Variants in IQGAP3 observed in about 807,000 individuals in gnomAD.
The protein encoded by IQGAP3 is ras GTPase-activating-like protein IQGAP3.
In IQGAP3, 165 loss-of-function variants were observed where a neutral mutation model predicts 208.2. That is an observed-to-expected ratio of 0.79 (90% confidence interval 0.70 to 0.90). The LOEUF is 0.90. Among genes scored for constraint, IQGAP3 ranks in the 40% least tolerant of loss-of-function variants. The probability of loss-of-function intolerance (pLI) is 0.00; values close to 1 mark genes in which losing one functional copy is unlikely to be tolerated. For synonymous variants in IQGAP3, 703 were observed against 803.6 expected (o/e 0.87, Z 2.12); for missense variants, 1,811 against 2,043.1 (o/e 0.89, Z 2.19).
At position 156,562,636 on chromosome 1, in the gene IQGAP3, G is replaced by C. The variant is rs1240518781; in HGVS notation, c.828C>G (p.Asp276Glu). The stretch of plus-strand genomic sequence containing the variant: ...GGATTTCAGCCTGAGTTAGGTAGTG[G>C]TCATAGATGTCCTGGCTTTCTCTGT... ...HDDRESQDIY[D>E]HYLTQAEIQG... The change falls in exon 9 of 38, where the codon GAC becomes GAG. Residue 276 changes from aspartate to glutamate, a missense_variant. Coordinates refer to ENST00000361170, the MANE Select transcript of IQGAP3 (RefSeq NM_178229.5). The C allele has an allele frequency of 4.3e-6, 7 of 1,614,084 alleles. No homozygotes were observed. Among genetic ancestry groups the C allele is most frequent in the Non-Finnish European group, 5.9e-6 (7 of 1,179,962 alleles).
At chr1:156,530,490 G>A (rs1481762846) in intron 33 of IQGAP3, among the ~76,000 whole-genome samples, 173 bp from the exon 34 acceptor site, 1 of 152,166 alleles carries the variant, frequency 6.6e-6, no homozygotes, top group Non-Finnish European at 1.5e-5. Context: ...GCAGGGCATC[G>A]CTTATGAAGA....
intron 22 of IQGAP3, among the ~76,000 whole-genome samples, chr1:156,543,413 C>A (rs1675080847): frequency 6.6e-6 from 1 of 152,134 alleles, no homozygotes; most frequent in Non-Finnish European, 1.5e-5. Flanking sequence ...AACCCAGGGG[C>A]TAGAGGTGAA....
At chr1:156,540,241 T>C (rs1674911548) in intron 23 of IQGAP3, among the ~76,000 whole-genome samples, 1 of 152,164 alleles carries the variant, frequency 6.6e-6, no homozygotes, top group Admixed American at 6.5e-5. Flanking sequence ...AGGAATTGTG[T>C]CTATTTGGCT....
chr1:156,547,593 C>T (rs1207648418), intron 19 of IQGAP3, among the ~76,000 whole-genome samples: 3 of 152,202 alleles, frequency 2.0e-5, no homozygotes, highest in Non-Finnish European at 4.4e-5. Context: ...GCTGGAATCA[C>T]AGGCATGAGC....
chr1:156,571,207 T>G (rs1441145511), intron 1 of IQGAP3, among the ~76,000 whole-genome samples: 1 of 152,180 alleles, frequency 6.6e-6, no homozygotes, highest in Non-Finnish European at 1.5e-5. Flanking sequence ...TCCTTCTCCC[T>G]TCTCTCCCCT....
chr1:156,540,748 A>G lies in IQGAP3; in HGVS notation c.2699T>C (p.Ile900Thr), dbSNP rs779201583. Residue 900 changes from isoleucine (I) to threonine (T), a missense_variant, in exon 23 of 38, where the codon ATC becomes ACC. By Grantham distance (89) the Ile-to-Thr change is moderately conservative. Coordinates refer to ENST00000361170, the MANE Select transcript of IQGAP3 (RefSeq NM_178229.5). ...QLEQDLNIMD[I>T]KIGLLVKNRI... ...GTTCTTCACCAGCAGGCCAATCTTG[A>G]TGTCCATGATGTTGAGGTCCTGCTC... 1.5e-5 allele frequency: 25 copies of G among 1,614,026 alleles called. No individual in the cohort carries two copies. Among genetic ancestry groups the G allele is most frequent in the Non-Finnish European group, 2.1e-5 (25 of 1,180,036 alleles).
chr1:156,543,499 A>G (rs1441324417), intron 22 of IQGAP3, among the ~76,000 whole-genome samples: 1 of 152,206 alleles, frequency 6.6e-6, no homozygotes, highest in East Asian at 1.9e-4. Context: ...CTTGAAGAAC[A>G]AGAGCCAGAA....
chr1:156,526,549 G>T lies in IQGAP3; in HGVS notation c.4833C>A (p.Asn1611Lys). ...GAAGGTTGACATTGACTTTGGCCTT[G>T]TTGAAGAGTTTCATGACAGCCACAC... ...YEGVAVMKLF[N>K]KAKVNVNLLI... The change falls in exon 38 of 38, where the codon AAC (asparagine) becomes AAA (lysine). Residue 1611 changes from asparagine to lysine, a missense_variant. Transcript: ENST00000361170. The T allele has an allele frequency of 6.2e-7, 1 of 1,614,230 alleles. No individual in the cohort carries two copies. The highest frequency in any genetic ancestry group is 8.5e-7 in the Non-Finnish European group (1 of 1,180,024).
At chr1:156,567,548 G>T (rs116386480) in intron 2 of IQGAP3, among the ~76,000 whole-genome samples, 1,893 of 152,308 alleles carry the variant, frequency 0.012, 24 homozygotes, top group African/African-American at 0.03. Flanking sequence ...ACTGATGGTT[G>T]TATGAGGGAG....
rs763480557 is a variant in IQGAP3, at chr1:156,544,168, T to C, written c.2444A>G (p.His815Arg). The change falls in exon 21 of 38, where the codon CAC becomes CGC. Residue 815 changes from histidine (H) to arginine (R), a missense_variant. Physicochemically the swap from His to Arg is conservative, Grantham distance 29. Coordinates refer to ENST00000361170, the MANE Select transcript of IQGAP3 (RefSeq NM_178229.5). ...GACACTCACATTCTTCTGGAAGTAGTGCAGACGCCTCAGGTATTGCCTCCG... is the reference window on the plus strand; with the variant it reads ...GACACTCACATTCTTCTGGAAGTAGCGCAGACGCCTCAGGTATTGCCTCCG... ...AARRQYLRRL[H>R]YFQKNVNSIV... 3.7e-6 allele frequency: 6 copies of C among 1,614,070 alleles called. No homozygotes were observed. In the African/African-American group the frequency reaches 4.0e-5, roughly 11 times the overall value.
In IQGAP3 at chr1:156,534,596, G is replaced by A. The variant is rs781307349; in HGVS notation, c.3645C>T (p.Leu1215=). Residue 1215 remains leucine (L), a synonymous_variant, in exon 29 of 38, where the codon CTC becomes CTT. Transcript: ENST00000361170. The part of the protein sequence containing the change: ...QRHALGAVAQ[L]LQHAAAGKAF... ...CCTTGCCAGCCGCAGCGTGCTGTAG[G>A]AGCTGAGCCACAGCCCCCAGGGCAT... is the stretch of plus-strand genomic sequence containing the variant. The A allele has an allele frequency of 2.9e-5, 46 of 1,612,642 alleles. 1 individual carries two copies. The South Asian group carries it at 3.0e-4, about 10-fold the overall frequency.
At chr1:156,527,857 ATC>A (rs1415677039) in intron 37 of IQGAP3, 93 bp downstream of exon 37, 1 of 791,720 alleles carries the variant, frequency 1.3e-6, no homozygotes, top group African/African-American at 1.7e-5. Flanking sequence ...AGCTGGTGTC[ATC>A]TGAGGACTAG....
chr1:156,528,795 G>T, intron 35 of IQGAP3, 121 bp downstream of exon 35: 1 of 1,236,396 alleles, frequency 8.1e-7, no homozygotes, highest in South Asian at 1.4e-5. Flanking sequence ...GACTTAGGAA[G>T]GGACTGTGCT....
rs745920806 is a variant in IQGAP3, at chr1:156,556,546, TG to T, written c.1276del (p.Gln426SerfsTer24). On this transcript the variant is annotated frameshift_variant, in exon 12 of 38. Transcript: ENST00000361170. LOFTEE classifies it high-confidence loss of function. ...SMYQLELAVL[Q>X]QQQGELGQEE... ...TCTGGGGCTTACCCCCTGCTGCTGC[TG>T]GAGCACTGCCAGCTCCAGCTGGTAC... 2 of 1,614,150 alleles carry T rather than the reference TG, an allele frequency of 1.2e-6. No homozygotes were observed. The highest frequency in any genetic ancestry group is 4.5e-5 in the East Asian group (2 of 44,874).
intron 7 of IQGAP3, 86 bp downstream of exon 7, chr1:156,563,467 G>T: frequency 7.4e-7 from 1 of 1,358,892 alleles, no homozygotes; most frequent in Non-Finnish European, 1.0e-6. Context: ...ATGAGAGCTG[G>T]CCAGAACCCA....
chr1:156,539,827 C>T lies in IQGAP3; in HGVS notation c.2892+11G>A, dbSNP rs187936913. The T allele has an allele frequency of 7.4e-6, 12 of 1,614,148 alleles. No individual in the cohort carries two copies. On this transcript the variant is annotated intron_variant, in intron 24 of 37. Coordinates refer to ENST00000361170, the MANE Select transcript of IQGAP3 (RefSeq NM_178229.5). ...CGGGAGAGACTTCTCCTTGGAAAGT[C>T]CTCTGCTAACCTGGAGCAGGTAGAA... is the stretch of plus-strand genomic sequence containing the variant.
At chr1:156,534,769 G>C in intron 28 of IQGAP3, 36 bp from the exon 29 acceptor site, 7 of 1,422,260 alleles carry the variant, frequency 4.9e-6, no homozygotes, top group Non-Finnish European at 5.6e-6. Flanking sequence ...AAGTGTCCAG[G>C]GGCCGCCTTG....
In IQGAP3 at chr1:156,548,710, C is replaced by G; in HGVS notation, c.1864G>C (p.Glu622Gln). ...CGCTCAGTCTGGGCTGCCTTGCCCT[C>G]CTTGATGGCTTGATTGATGGCAGCC... Reference protein sequence around the residue: ...GVAAINQAIKEGKAAQTERVL... With the variant: ...GVAAINQAIKQGKAAQTERVL... The change falls in exon 17 of 38, where the codon GAG becomes CAG. Residue 622 changes from glutamate (E) to glutamine (Q), a missense_variant. Physicochemically the swap from Glu to Gln is conservative, Grantham distance 29. Coordinates refer to ENST00000361170, the MANE Select transcript of IQGAP3 (RefSeq NM_178229.5). The G allele has an allele frequency of 6.3e-7, 1 of 1,597,506 alleles. No homozygotes were observed. Among genetic ancestry groups the G allele is most frequent in the Non-Finnish European group, 8.5e-7 (1 of 1,170,974 alleles).
chr1:156,531,369 GGAGA>G lies in IQGAP3; in HGVS notation c.4104-126_4104-123del. 1.6e-5 allele frequency: 12 copies of G among 741,144 alleles called. No individual in the cohort carries two copies. The South Asian group carries it at 1.7e-4, about 11-fold the overall frequency. 45.9% of individuals were successfully genotyped at this position (741,144 alleles called of 1,614,324 possible). Reference sequence around the variant, plus strand: ...CTATAGCATGGCTGCTAGGATATAAGGAGAGAGAGCGAGGGATAGGGGATGTCGT... The same window carrying G: ...CTATAGCATGGCTGCTAGGATATAAGGAGAGCGAGGGATAGGGGATGTCGT... On this transcript the variant is annotated intron_variant, in intron 32 of 37. Transcript: ENST00000361170.
Sources: gnomAD v4.1 joint callset for allele counts (sites outside exome capture counted in the v4.1 genomes callset) on GRCh38, gnomAD v4.1.1 for gene constraint, MANE v1.5 for transcripts, NCBI Gene and HGNC (gene_info 2026-07-23, HGNC 2026-07-21) for gene names.